The following MACF1 variants were observed in gnomAD, a reference collection of about 807,000 sequenced individuals.
MACF1 encodes the protein microtubule actin crosslinking factor 1.
In MACF1, 193 loss-of-function variants were observed where a neutral mutation model predicts 854.8. That is an observed-to-expected ratio of 0.23 (90% confidence interval 0.20 to 0.25). The LOEUF (loss-of-function observed/expected upper bound fraction) is 0.25. Among genes scored for constraint, MACF1 ranks in the 10% least tolerant of loss-of-function variants. The pLI is 1.00. For missense variants in MACF1, 7,722 were observed against 8,929.1 expected (o/e 0.86, Z 5.45); for synonymous variants, 3,185 against 3,226.7 (o/e 0.99, Z 0.44).
intron 2 of MACF1, among the ~76,000 whole-genome samples, chr1:39,148,707 T>C (rs1461871118): frequency 2.0e-5 from 3 of 152,222 alleles, no homozygotes; most frequent in South Asian, 4.1e-4. Flanking sequence ...GTTGGACTTT[T>C]AGGTAATTTT....
intron 58 of MACF1, among the ~76,000 whole-genome samples, chr1:39,419,798 A>AGT (rs3080664): frequency 0.2 from 26,601 of 130,786 alleles, 2,657 homozygotes; most frequent in Middle Eastern, 0.27. Context: ...ATGCCTGGCT[A>AGT]GTGTGTGTGT....
At chr1:39,115,904 G>A (rs755689831) in intron 2 of MACF1, among the ~76,000 whole-genome samples, 1 of 152,180 alleles carries the variant, frequency 6.6e-6, no homozygotes, top group South Asian at 2.1e-4. Flanking sequence ...GTCAAATAAG[G>A]CAAAGACTAC....
At chr1:39,446,951 C>T (rs1021791383) in intron 80 of MACF1, among the ~76,000 whole-genome samples, 5 of 152,234 alleles carry the variant, frequency 3.3e-5, no homozygotes, top group Middle Eastern at 3.4e-3. Flanking sequence ...TTTCATATGC[C>T]ATATTTTCTG....
At chr1:39,401,171 G>T (rs1642462904) in intron 58 of MACF1, among the ~76,000 whole-genome samples, 1 of 152,130 alleles carries the variant, frequency 6.6e-6, no homozygotes, top group Non-Finnish European at 1.5e-5. Context: ...CCTACAACCA[G>T]CAGGTTTTTC....
At chr1:39,093,464 C>T (rs966980637) in intron 2 of MACF1, among the ~76,000 whole-genome samples, 10 of 149,780 alleles carry the variant, frequency 6.7e-5, no homozygotes, top group African/African-American at 1.7e-4. Context: ...AACATGTGCG[C>T]GCCACCACGC....
chr1:39,098,333 CAG>C (rs1031122415), intron 2 of MACF1, among the ~76,000 whole-genome samples: 2 of 152,190 alleles, frequency 1.3e-5, no homozygotes, highest in Non-Finnish European at 2.9e-5. Context: ...AGCAGAAGCC[CAG>C]AGAGTTTGGT....
chr1:39,385,779 G>C lies in MACF1; in HGVS notation c.14194G>C (p.Asp4732His), dbSNP rs767047597. 1.9e-6 allele frequency: 3 copies of C among 1,614,038 alleles called. No individual in the cohort carries two copies. Among genetic ancestry groups the C allele is most frequent in the Non-Finnish European group, 2.5e-6 (3 of 1,180,042 alleles). Residue 4732 changes from aspartate (D) to histidine (H), a missense_variant, in exon 57 of 101, where the codon GAC (aspartate) becomes CAC (histidine). Asp to His is a moderately conservative substitution (Grantham distance 81). Coordinates refer to ENST00000564288, the MANE Select transcript of MACF1 (RefSeq NM_001394062.1). ...QLEETSEIRS[D>H]LEQLDHEVKE... ...GGAAGAGACCAGTGAAATTCGATCT[G>C]ACTTGGAGCAGTTAGACCACGAGGT... is the stretch of plus-strand genomic sequence containing the variant.
At chr1:39,386,820 C>G (rs1233437697) in intron 57 of MACF1, among the ~76,000 whole-genome samples, 1 of 152,224 alleles carries the variant, frequency 6.6e-6, no homozygotes, top group African/African-American at 2.4e-5. Context: ...CCACCTCAGC[C>G]TCCCCAAGTG....
At chr1:39,441,857 A>T (rs1644125687) in intron 74 of MACF1, 95 bp from the exon 75 acceptor site, 1 of 899,716 alleles carries the variant, frequency 1.1e-6, no homozygotes, top group South Asian at 1.4e-5. Context: ...AGGTGCTTTG[A>T]TTGATTTATG....
At chr1:39,293,221 C>T (rs1645831668) in intron 17 of MACF1, among the ~76,000 whole-genome samples, 1 of 152,152 alleles carries the variant, frequency 6.6e-6, no homozygotes. Context: ...CAGCCCAGGA[C>T]CATTCTTTAT....
In MACF1 at chr1:39,105,463, C is replaced by T. The variant is rs972601103; in HGVS notation, c.220+21025C>T. The stretch of plus-strand genomic sequence containing the variant: ...TGCGAGCGGACTGAGGAGCGGAGCG[C>T]GACTGCCGGGCCGGGCGAGGCGGGC... On this transcript the variant is annotated intron_variant, in intron 2 of 93. Coordinates refer to the MACF1 transcript ENST00000361689. This position sits in a 1 kb window ranked among gnomAD's most constrained non-coding sequence, Gnocchi z 5.9. 9.4e-5 allele frequency: 95 copies of T among 1,008,166 alleles called. No homozygotes were observed. The highest frequency in any genetic ancestry group is 1.1e-4 in the Non-Finnish European group (95 of 846,502). The allele number at this position is 1,008,166 out of a possible 1,614,324, so 62.5% of individuals were successfully genotyped here.
intron 71 of MACF1, 21 bp from the exon 72 acceptor site, chr1:39,439,251 ATC>A: frequency 6.8e-7 from 1 of 1,475,288 alleles, no homozygotes. Context: ...TCCTATTCAT[ATC>A]TCTTTTTTTA....
chr1:39,102,737 T>C (rs1411086417), intron 2 of MACF1: 4 of 702,208 alleles, frequency 5.7e-6, no homozygotes, highest in Admixed American at 2.0e-5. Flanking sequence ...GCTTCCCCCA[T>C]TGCAGCCTTC....
intron 2 of MACF1, among the ~76,000 whole-genome samples, chr1:39,109,043 T>C (rs142657671): frequency 9.7e-4 from 148 of 152,352 alleles, no homozygotes; most frequent in African/African-American, 3.5e-3. Flanking sequence ...TATTACTTAA[T>C]GTACAAAATT....
intron 2 of MACF1, among the ~76,000 whole-genome samples, chr1:39,117,908 G>A (rs1320286742): frequency 6.6e-6 from 1 of 152,238 alleles, no homozygotes; most frequent in Non-Finnish European, 1.5e-5. Context: ...TGAGGAAGAG[G>A]ATTAACAGAG....
chr1:39,463,527 C>T (rs1644600426), intron 93 of MACF1, 85 bp from the exon 94 acceptor site: 1 of 903,786 alleles, frequency 1.1e-6, no homozygotes, highest in Admixed American at 1.9e-5. Flanking sequence ...AATAGCCTCC[C>T]TGTTAATGTA....
At chr1:39,188,245 C>T (rs1334775975) in intron 2 of MACF1, among the ~76,000 whole-genome samples, 1 of 151,858 alleles carries the variant, frequency 6.6e-6, no homozygotes, top group Non-Finnish European at 1.5e-5. Flanking sequence ...CAAGACTAGC[C>T]TGGGCAACCC....
intron 49 of MACF1, among the ~76,000 whole-genome samples, chr1:39,362,622 T>G (rs147797636): frequency 6.6e-6 from 1 of 152,218 alleles, no homozygotes; most frequent in Non-Finnish European, 1.5e-5. Flanking sequence ...TTTTGACATG[T>G]CTTCCTCAGC....
chr1:39,414,506 G>A (rs758769050), intron 58 of MACF1: 1 of 1,612,796 alleles, frequency 6.2e-7, no homozygotes, highest in South Asian at 1.1e-5. Context: ...TCTGGGAAGG[G>A]TCTAAAGAGT....
Sources: allele counts gnomAD v4.1 joint callset (sites outside exome capture counted in the v4.1 genomes callset), GRCh38; gene constraint gnomAD v4.1.1; non-coding constraint Gnocchi (gnomAD v3.1); transcripts MANE v1.5; gene names NCBI Gene and HGNC (gene_info 2026-07-23, HGNC 2026-07-21).